The following ABCA9 variants were observed in gnomAD, a reference collection of about 807,000 sequenced individuals.
ABCA9 encodes ATP binding cassette subfamily A member 9.
In ABCA9, 183 loss-of-function variants were observed where a neutral mutation model predicts 205.3. The ratio of observed to expected loss-of-function variants is 0.89; its 90% CI spans 0.79 to 1.01. ABCA9 has a LOEUF of 1.01. Ranked by LOEUF, ABCA9 falls within the 50% of genes least tolerant of loss-of-function variation. The probability of loss-of-function intolerance (pLI) is 0.00; values close to 1 mark genes in which losing one functional copy is unlikely to be tolerated. For synonymous variants in ABCA9, 651 were observed against 683.3 expected, an observed-to-expected ratio of 0.95 and a Z score of 0.74; for missense variants, 1,805 against 1,912.4, an observed-to-expected ratio of 0.94 and a Z score of 1.05.
intron 16 of ABCA9, among the ~76,000 whole-genome samples, chr17:69,025,162 A>G (rs1442036136): frequency 6.6e-6 from 1 of 152,180 alleles, no homozygotes; most frequent in Non-Finnish European, 1.5e-5. Flanking sequence ...ATGACAGAAG[A>G]TGTGAGGGAG....
chr17:68,983,411 T>TG (rs1170798825), intron 36 of ABCA9, among the ~76,000 whole-genome samples: 1 of 152,174 alleles, frequency 6.6e-6, no homozygotes, highest in Non-Finnish European at 1.5e-5. Flanking sequence ...TAATGAGGGA[T>TG]GGTTTTACCC....
chr17:69,035,856 A>G (rs2144394286), intron 6 of ABCA9, 55 bp from the exon 7 acceptor site: 1 of 1,543,420 alleles, frequency 6.5e-7, no homozygotes, highest in Non-Finnish European at 8.8e-7. Flanking sequence ...CACTTCCTTG[A>G]TTCATTTATT....
chr17:69,057,530 G>A (rs1300580515), intron 1 of ABCA9, among the ~76,000 whole-genome samples: 1 of 152,086 alleles, frequency 6.6e-6, no homozygotes, highest in Non-Finnish European at 1.5e-5. Context: ...AGTCTTTATA[G>A]GCTTTAGGAA....
intron 3 of ABCA9, 42 bp downstream of exon 3, chr17:69,049,241 T>C: frequency 6.7e-7 from 1 of 1,498,032 alleles, no homozygotes; most frequent in Non-Finnish European, 9.1e-7. Flanking sequence ...ATTTGTGCCT[T>C]TTGCAAATAA....
chr17:68,988,567 T>C (rs578193474), intron 31 of ABCA9, among the ~76,000 whole-genome samples: 2 of 152,336 alleles, frequency 1.3e-5, no homozygotes, highest in Admixed American at 1.3e-4. Flanking sequence ...TACTCGCTAA[T>C]GGACTCTTAT....
In ABCA9 at chr17:69,035,814, CA is replaced by C. The variant is rs2071318532; in HGVS notation, c.801-14del. ...ACCCCAGGAAAGCCTAGCAGAGAAA[CA>C]AAGCCGTCAGTTAGAATGTTGTTAC... is the stretch of plus-strand genomic sequence containing the variant. On this transcript the variant is annotated splice_polypyrimidine_tract_variant and intron_variant, in intron 6 of 38. Coordinates refer to ENST00000340001, the MANE Select transcript of ABCA9 (RefSeq NM_080283.4). 1 of 1,606,268 alleles carries C rather than the reference CA, an allele frequency of 6.2e-7. No homozygotes were observed. Among genetic ancestry groups the C allele is most frequent in the African/African-American group, 1.3e-5 (1 of 74,474 alleles).
chr17:69,073,542 T>G, the ABCA9 span, among the ~76,000 whole-genome samples: 1 of 152,180 alleles, frequency 6.6e-6, no homozygotes, highest in Non-Finnish European at 1.5e-5. Context: ...AAATAAGTTC[T>G]TTGAAACCAG....
At chr17:69,016,882 T>A (rs2070638294) in intron 21 of ABCA9, among the ~76,000 whole-genome samples, 1 of 152,082 alleles carries the variant, frequency 6.6e-6, no homozygotes, top group Admixed American at 6.6e-5. Flanking sequence ...AATGTGATTA[T>A]TTTTCCCTCA....
Position 69,032,246 on chromosome 17 carries a change from A to G in ABCA9, c.1307T>C (p.Phe436Ser), listed in dbSNP as rs1046308881. The change falls in exon 10 of 39, where the codon TTT becomes TCT. Residue 436 changes from phenylalanine to serine, a missense_variant. Phe to Ser is a radical substitution (Grantham distance 155, BLOSUM62 -2). Coordinates refer to ENST00000340001, the MANE Select transcript of ABCA9 (RefSeq NM_080283.4). The stretch of plus-strand genomic sequence containing the variant: ...AAACCAAAAACAGGATTTCAGGAAA[A>G]ACAAGGGAGAACATCGATGTCCATA... ...AEYGHRCSPL[F>S]FLKSCFWFQH... The G allele has an allele frequency of 6.2e-7, 1 of 1,613,854 alleles. No individual in the cohort carries two copies. Among genetic ancestry groups the G allele is most frequent in the African/African-American group, 1.3e-5 (1 of 74,930 alleles).
At chr17:69,028,734 AGATT>A in intron 11 of ABCA9, 89 bp from the exon 12 acceptor site, 3 of 624,496 alleles carry the variant, frequency 4.8e-6, no homozygotes, top group Non-Finnish European at 7.8e-6. Context: ...CAGCATGAAT[AGATT>A]GAGCTAGCAA....
chr17:68,993,160 C>A, intron 26 of ABCA9, 76 bp from the exon 27 acceptor site: 1 of 1,232,494 alleles, frequency 8.1e-7, no homozygotes, highest in African/African-American at 1.5e-5. Context: ...TTAAGATAAA[C>A]TGATGCCTAT....
chr17:68,979,281 A>G (rs2068971161), intron 37 of ABCA9, among the ~76,000 whole-genome samples: 1 of 152,108 alleles, frequency 6.6e-6, no homozygotes, highest in Non-Finnish European at 1.5e-5. Flanking sequence ...AGGAAATAAA[A>G]GAGGATACAA....
chr17:68,986,137 A>G lies in ABCA9; in HGVS notation c.4208+27T>C, dbSNP rs1307982168. 4 of 1,575,054 alleles carry G rather than the reference A, an allele frequency of 2.5e-6. No individual in the cohort carries two copies. In the East Asian group the frequency reaches 9.0e-5, roughly 36 times the overall value. ...ATTAATACAACATCCCCTCCAGCAA[A>G]GGGGAGTGCCCCCCAGTCCCAGGTA... On this transcript the variant is annotated intron_variant, in intron 32 of 38. Transcript: ENST00000340001.
intron 31 of ABCA9, among the ~76,000 whole-genome samples, chr17:68,988,581 T>G (rs765545100): frequency 6.6e-6 from 1 of 152,202 alleles, no homozygotes; most frequent in Non-Finnish European, 1.5e-5. Flanking sequence ...CTCTTATTGT[T>G]ACACAAGTCA....
chr17:68,994,863 T>G (rs2069565975), intron 26 of ABCA9, among the ~76,000 whole-genome samples: 1 of 152,166 alleles, frequency 6.6e-6, no homozygotes, highest in Non-Finnish European at 1.5e-5. Context: ...CCAGCATGAG[T>G]TTCTCTAACA....
At chr17:69,061,588 A>G (rs1406728334), upstream of ABCA9, among the ~76,000 whole-genome samples, 1 of 152,182 alleles carries the variant, frequency 6.6e-6, no homozygotes, top group Non-Finnish European at 1.5e-5. Context: ...ATCTCACATA[A>G]CAATTACCTG....
At chr17:68,985,226 T>C (rs1448332424) in intron 32 of ABCA9, 98 bp from the exon 33 acceptor site, 2 of 1,521,822 alleles carry the variant, frequency 1.3e-6, no homozygotes, top group Non-Finnish European at 9.1e-7. Context: ...GGGAGGTGTT[T>C]ATGAGTGGTC....
chr17:69,051,375 T>A (rs1258944030), intron 1 of ABCA9, among the ~76,000 whole-genome samples: 2 of 152,116 alleles, frequency 1.3e-5, no homozygotes, highest in Non-Finnish European at 2.9e-5. Flanking sequence ...TTGAGAAAAA[T>A]CAGAAGAGTG....
At chr17:69,004,561 T>TTTTG (rs1176184274) in intron 25 of ABCA9, among the ~76,000 whole-genome samples, 12 of 152,220 alleles carry the variant, frequency 7.9e-5, no homozygotes, top group Non-Finnish European at 1.8e-4. Context: ...ACTGCTGTCT[T>TTTTG]TTTGTTTGTC....
Sources: allele counts gnomAD v4.1 joint callset (sites outside exome capture counted in the v4.1 genomes callset), GRCh38; gene constraint gnomAD v4.1.1; transcripts MANE v1.5; gene names NCBI Gene and HGNC (gene_info 2026-07-23, HGNC 2026-07-21).